Variants in PIEZO2 observed in about 807,000 individuals in gnomAD.
PIEZO2 encodes piezo type mechanosensitive ion channel component 2.
Under a neutral mutation model 337.3 loss-of-function variants are expected in PIEZO2, and 172 were observed. The ratio of observed to expected loss-of-function variants is 0.51; its 90% CI spans 0.45 to 0.58. PIEZO2 has a LOEUF of 0.58. PIEZO2 is among the 20% of genes least tolerant of loss of function. PIEZO2 has a pLI of 0.00. For missense variants in PIEZO2, 3,028 were observed against 3,391.3 expected, an observed-to-expected ratio of 0.89 and a Z score of 2.66; for synonymous variants, 1,251 against 1,228.5, an observed-to-expected ratio of 1.02 and a Z score of -0.38.
In PIEZO2 at chr18:11,001,676, G is replaced by A. The variant is rs931875522; in HGVS notation, c.161-22016C>T. 6.6e-5 allele frequency among the ~76,000 whole-genome samples: 10 copies of A among 151,930 alleles called. No homozygotes were observed. Among genetic ancestry groups the A allele is most frequent in the African/African-American group, 1.9e-4 (8 of 41,338 alleles). On this transcript the variant is annotated intron_variant, in intron 2 of 55. Transcript: ENST00000674853. This position sits in a 1 kb window ranked among gnomAD's most constrained non-coding sequence, Gnocchi z 5.3. ...GCGGATCATCTGAGGTCGGGAGTTC[G>A]AGACCAACCTGGCTAACATGGTAAA...
At chr18:10,809,651 G>A (rs1464949732) in intron 7 of PIEZO2, among the ~76,000 whole-genome samples, 2 of 151,924 alleles carry the variant, frequency 1.3e-5, no homozygotes, top group Admixed American at 6.6e-5. Context: ...TGTACTTGAA[G>A]TTCACATCCT....
chr18:11,066,323 TCAAA>T (rs2038149038), intron 1 of PIEZO2, 101 bp from the exon 2 acceptor site: 7 of 772,266 alleles, frequency 9.1e-6, no homozygotes, highest in Non-Finnish European at 1.5e-5. Flanking sequence ...TGTCACTGGA[TCAAA>T]CAGTGTCACT....
At chr18:10,710,819 GCT>G (rs1387989582) in intron 39 of PIEZO2, among the ~76,000 whole-genome samples, 1 of 152,150 alleles carries the variant, frequency 6.6e-6, no homozygotes, top group African/African-American at 2.4e-5. Flanking sequence ...AATCAGCATG[GCT>G]CCCTGGAGAC....
At chr18:10,803,783 A>G in intron 9 of PIEZO2, 92 bp downstream of exon 9, 1 of 1,416,554 alleles carries the variant, frequency 7.1e-7, no homozygotes, top group Non-Finnish European at 9.3e-7. Context: ...TGAATATGAT[A>G]TGATATATAT....
At chr18:11,058,950 A>G (rs899816000) in intron 2 of PIEZO2, among the ~76,000 whole-genome samples, 1 of 152,192 alleles carries the variant, frequency 6.6e-6, no homozygotes, top group African/African-American at 2.4e-5. Context: ...AAGACACATC[A>G]TTGTCAGATT....
intron 43 of PIEZO2, among the ~76,000 whole-genome samples, chr18:10,701,180 G>A (rs2035315388): frequency 6.6e-6 from 1 of 152,178 alleles, no homozygotes; most frequent in Non-Finnish European, 1.5e-5. Context: ...AGAAGACAAG[G>A]TTAAGACGAG....
At chr18:10,741,153 T>C (rs2037204809) in intron 32 of PIEZO2, 51 bp from the exon 33 acceptor site, 1 of 1,472,926 alleles carries the variant, frequency 6.8e-7, no homozygotes. Flanking sequence ...AGAAAACAAA[T>C]TTTGAAAACC....
At chr18:10,831,718 T>G (rs955943929) in intron 7 of PIEZO2, among the ~76,000 whole-genome samples, 13 of 152,182 alleles carry the variant, frequency 8.5e-5, no homozygotes, top group Admixed American at 3.3e-4. Flanking sequence ...CTGATGTGAT[T>G]ATTATGCATT....
chr18:11,098,640 C>G (rs1039132688), intron 1 of PIEZO2, among the ~76,000 whole-genome samples: 1 of 150,892 alleles, frequency 6.6e-6, no homozygotes, highest in African/African-American at 2.4e-5. Context: ...GAGGGCTCCC[C>G]GCCATGAAGG....
At position 10,766,517 on chromosome 18, in the gene PIEZO2, G is replaced by T. The variant is rs1489374860; in HGVS notation, c.2947-3419C>A. 6.6e-6 allele frequency among the ~76,000 whole-genome samples: 1 copy of T among 152,196 alleles called. No homozygotes were observed. Among genetic ancestry groups the T allele is most frequent in the East Asian group, 1.9e-4 (1 of 5,188 alleles). ...CTTTCCCAAAAAAGCCCTGTACACAGGTTGTCATCCTATCTGAATATAACC... is the reference window on the plus strand; with the variant it reads ...CTTTCCCAAAAAAGCCCTGTACACATGTTGTCATCCTATCTGAATATAACC... On this transcript the variant is annotated intron_variant, in intron 21 of 55. Coordinates refer to ENST00000674853, the MANE Select transcript of PIEZO2 (RefSeq NM_001378183.1). This position sits in a 1 kb window ranked among gnomAD's most constrained non-coding sequence, Gnocchi z 6.1.
chr18:10,784,815 TG>T lies in PIEZO2; in HGVS notation c.2460del (p.Ile821PhefsTer21). ...ATGGTGTTGTCTTCTTTGCTGGGAA[TG>T]GACTTGAGGTCTGTGAGTTCAAGGA... Reference protein sequence around the residue: ...DRFLELTDLKSIPSKEDNTIY... With the variant: ...DRFLELTDLKXIPSKEDNTIY... On this transcript the variant is annotated frameshift_variant, in exon 17 of 56. Coordinates refer to ENST00000674853, the MANE Select transcript of PIEZO2 (RefSeq NM_001378183.1). LOFTEE classifies it high-confidence loss of function. The surrounding 1 kb of genome is among the most constrained non-coding windows in gnomAD (Gnocchi z 4.5). The T allele has an allele frequency of 6.5e-7, 1 of 1,537,348 alleles. No homozygotes were observed. Among genetic ancestry groups the T allele is most frequent in the Non-Finnish European group, 8.7e-7 (1 of 1,146,736 alleles).
rs1337462159 is a variant in PIEZO2 at position 10,789,155 on chromosome 18, A to G, written c.2093T>C (p.Val698Ala). The G allele has an allele frequency of 6.5e-7, 1 of 1,537,304 alleles. No homozygotes were observed. The highest frequency in any genetic ancestry group is 1.2e-5 in the South Asian group (1 of 84,066). Residue 698 changes from valine (V) to alanine (A), a missense_variant, in exon 15 of 56, where the codon GTC becomes GCC. Coordinates refer to ENST00000674853, the MANE Select transcript of PIEZO2 (RefSeq NM_001378183.1). ...IYVCGGMFFF[V>A]SFEGKIVMYK... is the part of the protein sequence containing the mutation. ...CATTACGATTTTACCCTCGAAGCTG[A>G]CGAAGAAGAACATGCCTCCGCAGAC...
chr18:10,680,467 A>G (rs1013852586), intron 51 of PIEZO2, 96 bp from the exon 52 acceptor site: 178 of 1,174,748 alleles, frequency 1.5e-4, no homozygotes, highest in Non-Finnish European at 1.8e-4. Flanking sequence ...AGTATGGAAA[A>G]GGTTTCTCCC....
chr18:10,807,024 T>C (rs2040021746), intron 8 of PIEZO2, 88 bp downstream of exon 8: 19 of 1,288,282 alleles, frequency 1.5e-5, no homozygotes, highest in Middle Eastern at 1.9e-4. Flanking sequence ...GAGTATCGAT[T>C]AGTCAGTAGA....
In PIEZO2 at chr18:10,784,693, T is replaced by C. The variant is rs2039152852; in HGVS notation, c.2492+91A>G. 2.4e-6 allele frequency: 3 copies of C among 1,229,628 alleles called. No homozygotes were observed. The highest frequency in any genetic ancestry group is 3.3e-6 in the Non-Finnish European group (3 of 922,910). 76.2% of individuals were successfully genotyped at this position (1,229,628 alleles called of 1,614,324 possible). On this transcript the variant is annotated intron_variant, in intron 17 of 55. Transcript: ENST00000674853. This position sits in a 1 kb window ranked among gnomAD's most constrained non-coding sequence, Gnocchi z 4.5. Reference sequence around the variant, plus strand: ...AAATTCAAGGCTGAAACTTTTAGATTACTGGCTTCTCGCAAGGTGGCCAAC... The same window carrying C: ...AAATTCAAGGCTGAAACTTTTAGATCACTGGCTTCTCGCAAGGTGGCCAAC...
intron 2 of PIEZO2, among the ~76,000 whole-genome samples, chr18:11,004,558 T>C (rs974663343): frequency 6.6e-6 from 1 of 152,190 alleles, no homozygotes; most frequent in African/African-American, 2.4e-5. Flanking sequence ...AGGGAGTTAG[T>C]TTAGAACGGA....
At chr18:11,029,260 C>T (rs891804783) in intron 2 of PIEZO2, among the ~76,000 whole-genome samples, 9 of 152,280 alleles carry the variant, frequency 5.9e-5, no homozygotes, top group East Asian at 1.9e-4. Flanking sequence ...ACCCGGCTCC[C>T]CATTTCAACA....
rs558304228 is a variant in PIEZO2 at position 11,002,692 on chromosome 18, C to T, written c.161-23032G>A. On this transcript the variant is annotated intron_variant, in intron 2 of 55. Transcript: ENST00000674853. This position sits in a 1 kb window ranked among gnomAD's most constrained non-coding sequence, Gnocchi z 4.3. ...TGTTGCAATGTTTTACTGGCGGCGG[C>T]GGGGAACACATTCAGGCAGAGATGT... Among the ~76,000 whole-genome samples, 51 of 152,256 alleles carry T rather than the reference C, an allele frequency of 3.3e-4. No individual in the cohort carries two copies. The highest frequency in any genetic ancestry group is 2.1e-4 in the South Asian group (1 of 4,822).
rs1470676046 is a variant in PIEZO2, at chr18:11,097,699, T to C, written c.65-31477A>G. ...CCTGACTGTATTTTCTGTATACTTATTGTATGAACACTTGATTAGCCATTA... is the reference window on the plus strand; with the variant it reads ...CCTGACTGTATTTTCTGTATACTTACTGTATGAACACTTGATTAGCCATTA... On this transcript the variant is annotated intron_variant, in intron 1 of 55. Transcript: ENST00000674853. The surrounding 1 kb of genome is among the most constrained non-coding windows in gnomAD (Gnocchi z 5.0). Among the ~76,000 whole-genome samples, 1 of 152,234 alleles carries C rather than the reference T, an allele frequency of 6.6e-6. No individual in the cohort carries two copies. The highest frequency in any genetic ancestry group is 1.9e-4 in the East Asian group (1 of 5,206).
Sources: allele counts gnomAD v4.1 joint callset (sites outside exome capture counted in the v4.1 genomes callset), GRCh38; gene constraint gnomAD v4.1.1; non-coding constraint Gnocchi (gnomAD v3.1); transcripts MANE v1.5; gene names NCBI Gene and HGNC (gene_info 2026-07-23, HGNC 2026-07-21).